EPHA7: variants seen among roughly 807,000 people sequenced by gnomAD.
EPHA7 encodes EPH receptor A7.
Under a neutral mutation model 112.6 loss-of-function variants are expected in EPHA7, and 25 were observed. That is an observed-to-expected ratio of 0.22 (90% confidence interval 0.16 to 0.31). The LOEUF (loss-of-function observed/expected upper bound fraction) is 0.31. Among genes scored for constraint, EPHA7 ranks in the 10% least tolerant of loss-of-function variants. EPHA7 has a pLI of 1.00. For synonymous variants in EPHA7, 437 were observed against 406.5 expected (o/e 1.07, Z -0.90); for missense variants, 962 against 1,212.6 (o/e 0.79, Z 3.07).
At chr6:93,305,453 A>G (rs183914778) in intron 5 of EPHA7, among the ~76,000 whole-genome samples, 1 of 152,064 alleles carries the variant, frequency 6.6e-6, no homozygotes, top group Non-Finnish European at 1.5e-5. Flanking sequence ...TTCCTCCTAC[A>G]TTTCCTCTAT....
At chr6:93,366,272 C>T (rs190513594) in intron 3 of EPHA7, among the ~76,000 whole-genome samples, 1 of 152,270 alleles carries the variant, frequency 6.6e-6, no homozygotes, top group East Asian at 1.9e-4. Flanking sequence ...TTCAAAGGAT[C>T]TATGTTCAAA....
chr6:93,306,486 T>C (rs917954152), intron 5 of EPHA7, among the ~76,000 whole-genome samples: 1 of 152,002 alleles, frequency 6.6e-6, no homozygotes, highest in African/African-American at 2.4e-5. Flanking sequence ...CACAGTATGA[T>C]GGACTTAAAA....
chr6:93,401,461 G>C (rs1318794898), intron 3 of EPHA7, among the ~76,000 whole-genome samples: 1 of 151,948 alleles, frequency 6.6e-6, no homozygotes, highest in Non-Finnish European at 1.5e-5. Context: ...TATCATTCGA[G>C]ATTAATATTG....
At chr6:93,268,338 T>C (rs1425625969) in intron 7 of EPHA7, among the ~76,000 whole-genome samples, 1 of 151,804 alleles carries the variant, frequency 6.6e-6, no homozygotes, top group African/African-American at 2.4e-5. Flanking sequence ...AGAATAATAC[T>C]GCTAGCAAAC....
At position 93,358,334 on chromosome 6, in the gene EPHA7, T is replaced by C; in HGVS notation, c.910A>G (p.Lys304Glu). ...SRCPTHSFSD[K>E]EGSSRCECED... Reference sequence around the variant, plus strand: ...CATTCACATCTGGAGGAGCCTTCTTTATCAGAAAAACTGTGAGTTGGACAA... The same window carrying C: ...CATTCACATCTGGAGGAGCCTTCTTCATCAGAAAAACTGTGAGTTGGACAA... Residue 304 changes from lysine (K) to glutamate (E), a missense_variant, in exon 4 of 17, where the codon AAA (lysine) becomes GAA (glutamate). Around this residue, in one of 3 missense-constraint regions of EPHA7, gnomAD observed 746 missense variants for 889.2 expected, o/e 0.84. Transcript: ENST00000369303. 6.2e-7 allele frequency: 1 copy of C among 1,613,740 alleles called. No homozygotes were observed. The highest frequency in any genetic ancestry group is 8.5e-7 in the Non-Finnish European group (1 of 1,179,810).
chr6:93,318,287 G>GC (rs1244326832), intron 5 of EPHA7, among the ~76,000 whole-genome samples: 1 of 151,968 alleles, frequency 6.6e-6, no homozygotes, highest in Admixed American at 6.6e-5. Flanking sequence ...GAATAAATTG[G>GC]CCTGCATGTC....
rs1393199921 is a variant in EPHA7 at position 93,410,017 on chromosome 6, T to G, written c.832+484A>C. 1 of 152,544 alleles carries G rather than the reference T, an allele frequency of 6.6e-6. No homozygotes were observed. The highest frequency in any genetic ancestry group is 1.5e-5 in the Non-Finnish European group (1 of 68,384). The allele number at this position is 152,544 out of a possible 1,614,324, so 9.4% of individuals were successfully genotyped here. On this transcript the variant is annotated intron_variant, in intron 3 of 16. Coordinates refer to ENST00000369303, the MANE Select transcript of EPHA7 (RefSeq NM_004440.4). This position sits in a 1 kb window ranked among gnomAD's most constrained non-coding sequence, Gnocchi z 4.0. ...TTATAGTATTTATATAAGATAATTC[T>G]AAAAGTTTGTAAATATATTCGTTTA...
At chr6:93,370,150 T>C (rs542878839) in intron 3 of EPHA7, among the ~76,000 whole-genome samples, 3 of 152,290 alleles carry the variant, frequency 2.0e-5, no homozygotes, top group South Asian at 4.1e-4. Flanking sequence ...GAGCATATAA[T>C]TGAATACCTT....
Position 93,263,720 on chromosome 6 carries a change from T to A in EPHA7, c.1798+140A>T. 5.8e-6 allele frequency: 3 copies of A among 516,198 alleles called. No homozygotes were observed. The East Asian group carries it at 9.1e-5, about 16-fold the overall frequency. The allele number at this position is 516,198 out of a possible 1,614,324, so 32.0% of individuals were successfully genotyped here. ...ATGATTTTAATTCTAAACATCTGAT[T>A]CAAATGCTTTAAAGCAACATTTTGA... On this transcript the variant is annotated intron_variant, in intron 9 of 16. Transcript: ENST00000369303.
At chr6:93,343,632 C>T (rs1308062250) in intron 5 of EPHA7, among the ~76,000 whole-genome samples, 1 of 151,614 alleles carries the variant, frequency 6.6e-6, no homozygotes, top group Admixed American at 6.6e-5. Flanking sequence ...TAATCCCAGC[C>T]AAACTATAAA....
intron 12 of EPHA7, 109 bp from the exon 13 acceptor site, chr6:93,256,146 T>A: frequency 1.1e-6 from 1 of 904,396 alleles, no homozygotes; most frequent in Non-Finnish European, 1.7e-6. Flanking sequence ...ATAATAGGAA[T>A]TGTTAATTTT....
intron 3 of EPHA7, among the ~76,000 whole-genome samples, chr6:93,361,018 C>T (rs545088056): frequency 2.3e-4 from 35 of 152,026 alleles, no homozygotes; most frequent in Non-Finnish European, 3.5e-4. Context: ...AAAGCTATTA[C>T]TTTAACTTAG....
intron 14 of EPHA7, among the ~76,000 whole-genome samples, chr6:93,250,090 G>A (rs1323521634): frequency 6.6e-6 from 1 of 152,032 alleles, no homozygotes; most frequent in East Asian, 1.9e-4. Flanking sequence ...ATAACAACAA[G>A]ATATAACATT....
At chr6:93,259,546 T>A in intron 9 of EPHA7, 67 bp from the exon 10 acceptor site, 1 of 1,585,112 alleles carries the variant, frequency 6.3e-7, no homozygotes, top group Non-Finnish European at 8.6e-7. Flanking sequence ...AGCCCAGGAA[T>A]TTCATTATGC....
At chr6:93,276,526 C>T (rs561375548) in intron 5 of EPHA7, among the ~76,000 whole-genome samples, 2 of 152,170 alleles carry the variant, frequency 1.3e-5, no homozygotes, top group South Asian at 4.1e-4. Context: ...TTGAACCTTG[C>T]TGTGCCCAGA....
At chr6:93,321,988 G>C (rs549545426) in intron 5 of EPHA7, among the ~76,000 whole-genome samples, 2 of 151,686 alleles carry the variant, frequency 1.3e-5, no homozygotes, top group African/African-American at 4.8e-5. Flanking sequence ...TTATAATGAG[G>C]ACATTAATAC....
At chr6:93,320,922 C>T (rs1159263384) in intron 5 of EPHA7, among the ~76,000 whole-genome samples, 1 of 151,696 alleles carries the variant, frequency 6.6e-6, no homozygotes, top group African/African-American at 2.4e-5. Flanking sequence ...TATAATTTCA[C>T]TTATAAAATG....
intron 12 of EPHA7, among the ~76,000 whole-genome samples, chr6:93,256,932 CTG>C (rs1216229075): frequency 6.6e-6 from 1 of 151,986 alleles, no homozygotes; most frequent in Non-Finnish European, 1.5e-5. Flanking sequence ...TAAAAAGCCT[CTG>C]AGAATAAAAA....
At chr6:93,334,338 G>A (rs1340403464) in intron 5 of EPHA7, among the ~76,000 whole-genome samples, 1 of 151,742 alleles carries the variant, frequency 6.6e-6, no homozygotes, top group Admixed American at 6.6e-5. Context: ...CATAGGCCCT[G>A]GCAAAGATTT....
Sources: gnomAD v4.1 joint callset for allele counts (sites outside exome capture counted in the v4.1 genomes callset) on GRCh38, gnomAD v4.1.1 for gene constraint, gnomAD v4.1.1 regional missense constraint, Gnocchi (gnomAD v3.1) non-coding constraint, MANE v1.5 for transcripts, NCBI Gene and HGNC (gene_info 2026-07-23, HGNC 2026-07-21) for gene names.